Variants in HIPK1 observed in about 807,000 individuals in gnomAD.
HIPK1 encodes the protein homeodomain interacting protein kinase 1, also known as homeodomain-interacting protein kinase 1.
In HIPK1, 28 loss-of-function variants were observed where a neutral mutation model predicts 117.1. The ratio of observed to expected loss-of-function variants is 0.24; its 90% CI spans 0.18 to 0.33. The LOEUF is 0.33. HIPK1 is among the 10% of genes least tolerant of loss of function. The pLI is 1.00. For synonymous variants in HIPK1, 605 were observed against 562.5 expected (o/e 1.08, Z -1.07); for missense variants, 1,122 against 1,475.1 (o/e 0.76, Z 3.92).
intron 9 of HIPK1, among the ~76,000 whole-genome samples, chr1:113,962,713 CG>C (rs1309540680): frequency 1.3e-5 from 2 of 151,930 alleles, no homozygotes; most frequent in Admixed American, 6.6e-5. Context: ...CGGGGTGAAG[CG>C]TTTTTTTTTG....
chr1:113,966,386 G>A, intron 11 of HIPK1, 114 bp downstream of exon 11: 2 of 975,878 alleles, frequency 2.0e-6, no homozygotes, highest in South Asian at 2.1e-5. Context: ...TGACACTGTT[G>A]GAATCCTTTA....
chr1:113,971,647 G>A (rs755117453), intron 14 of HIPK1, among the ~76,000 whole-genome samples, 177 bp from the exon 15 acceptor site: 54 of 152,168 alleles, frequency 3.5e-4, no homozygotes, highest in Non-Finnish European at 6.6e-4. Context: ...CCTATGTGGA[G>A]ATTTGTGCCA....
intron 1 of HIPK1, chr1:113,929,814 G>A: frequency 3.0e-6 from 3 of 984,390 alleles, no homozygotes; most frequent in Non-Finnish European, 3.6e-6. Flanking sequence ...CGGGGGGCGG[G>A]GGCCGGGGCC....
chr1:113,951,016 T>A (rs918481754), intron 2 of HIPK1: 4 of 161,018 alleles, frequency 2.5e-5, no homozygotes, highest in African/African-American at 9.6e-5. Context: ...TCTTCTTAAT[T>A]TCAGAGGTGC....
chr1:113,961,377 A>G (rs1197030857), intron 8 of HIPK1, among the ~76,000 whole-genome samples: 2 of 152,238 alleles, frequency 1.3e-5, no homozygotes, highest in African/African-American at 4.8e-5. Flanking sequence ...GCAAGTTTCT[A>G]TAAACCAGAA....
At chr1:113,965,991 C>G (rs1672418611) in intron 10 of HIPK1, 139 bp from the exon 11 acceptor site, 3 of 789,050 alleles carry the variant, frequency 3.8e-6, no homozygotes, top group Non-Finnish European at 5.9e-6. Flanking sequence ...CCCCTCTGAC[C>G]TTTCTTTTTT....
intron 10 of HIPK1, among the ~76,000 whole-genome samples, chr1:113,965,254 A>G (rs962741589): frequency 2.0e-5 from 3 of 152,210 alleles, no homozygotes; most frequent in Non-Finnish European, 2.9e-5. Context: ...GCAGAATTCA[A>G]GTTTAAAAAG....
intron 8 of HIPK1, among the ~76,000 whole-genome samples, chr1:113,960,007 C>G (rs1671992341): frequency 6.6e-6 from 1 of 152,184 alleles, no homozygotes; most frequent in South Asian, 2.1e-4. Flanking sequence ...GATTTGAACC[C>G]AGGCAGGGGA....
At chr1:113,950,323 C>G (rs1052954668) in intron 2 of HIPK1, among the ~76,000 whole-genome samples, 1 of 152,146 alleles carries the variant, frequency 6.6e-6, no homozygotes, top group Non-Finnish European at 1.5e-5. Context: ...TGGTTCTTCA[C>G]GGAAAGATCT....
At position 113,949,053 on chromosome 1, in the gene HIPK1, G is replaced by T. The variant is rs144246596; in HGVS notation, c.1077-3713G>T. On this transcript the variant is annotated intron_variant, in intron 2 of 15. Transcript: ENST00000426820. ...GGGTTTCATCATGTTGGCCAGGCTG[G>T]ACTTGAACTCCTGACCTCAGGCCAT... Among the ~76,000 whole-genome samples the T allele has an allele frequency of 4.0e-3, 604 of 152,198 alleles. 4 individuals carry two copies. The highest frequency in any genetic ancestry group is 0.014 in the African/African-American group (575 of 41,516).
chr1:113,971,662 A>G (rs1433424337), intron 14 of HIPK1, among the ~76,000 whole-genome samples, 162 bp from the exon 15 acceptor site: 1 of 152,262 alleles, frequency 6.6e-6, no homozygotes, highest in Non-Finnish European at 1.5e-5. Context: ...GTGCCAAGAC[A>G]GAAAAGAAAT....
rs1669679349 is a variant in HIPK1 at position 113,929,437 on chromosome 1, C to G, written c.-98C>G. The stretch of plus-strand genomic sequence containing the variant: ...CCCGCACTCGATCCACGCTGGCTCC[C>G]TACGGAGGCCCACCTACTCGAGGCC... On this transcript the variant is annotated 5_prime_UTR_variant, in exon 1 of 16. Coordinates refer to ENST00000426820, the MANE Select transcript of HIPK1 (RefSeq NM_198268.3). 7.8e-7 allele frequency: 1 copy of G among 1,289,302 alleles called. No individual in the cohort carries two copies. Among genetic ancestry groups the G allele is most frequent in the Non-Finnish European group, 1.0e-6 (1 of 988,872 alleles). The allele number at this position is 1,289,302 out of a possible 1,614,324, so 79.9% of individuals were successfully genotyped here.
rs907529428 is a variant in HIPK1 at position 113,975,551 on chromosome 1, C to T, written c.*2039C>T. On this transcript the variant is annotated 3_prime_UTR_variant, in exon 16 of 16. Transcript: ENST00000426820. ...TCCTTTTCCCATGTGGCAGTCCTTC[C>T]TGCACATAGTTGACATTCCTAGTAA... The T allele has an allele frequency of 6.6e-6, 1 of 152,588 alleles. No homozygotes were observed. Among genetic ancestry groups the T allele is most frequent in the Non-Finnish European group, 1.5e-5 (1 of 67,998 alleles). The allele number at this position is 152,588 out of a possible 1,614,324, so 9.5% of individuals were successfully genotyped here.
intron 1 of HIPK1, among the ~76,000 whole-genome samples, chr1:113,932,427 G>T (rs1176721201): frequency 1.3e-5 from 2 of 150,590 alleles, no homozygotes; most frequent in African/African-American, 2.5e-5. Context: ...GCCCAGGTCG[G>T]AGTGCCGTGG....
chr1:113,932,723 T>C (rs1571637124), intron 1 of HIPK1, among the ~76,000 whole-genome samples: 3 of 152,172 alleles, frequency 2.0e-5, no homozygotes, highest in African/African-American at 7.2e-5. Context: ...TTTTAGAATC[T>C]TTAAGGTCCC....
chr1:113,966,114 G>C lies in HIPK1; in HGVS notation c.2239-16G>C. The C allele has an allele frequency of 6.2e-7, 1 of 1,607,772 alleles. No individual in the cohort carries two copies. Among genetic ancestry groups the C allele is most frequent in the Non-Finnish European group, 8.5e-7 (1 of 1,177,900 alleles). On this transcript the variant is annotated splice_polypyrimidine_tract_variant and intron_variant, in intron 10 of 15. Coordinates refer to ENST00000426820, the MANE Select transcript of HIPK1 (RefSeq NM_198268.3). ...TGAATCAAGTCTGGATGTTTTTTATGTGTGTTTCCTTACAGCAGGCGTGGC... is the reference window on the plus strand; with the variant it reads ...TGAATCAAGTCTGGATGTTTTTTATCTGTGTTTCCTTACAGCAGGCGTGGC...
chr1:113,933,726 G>C (rs750120010), intron 1 of HIPK1, among the ~76,000 whole-genome samples: 4 of 152,098 alleles, frequency 2.6e-5, no homozygotes, highest in Non-Finnish European at 4.4e-5. Context: ...AATTAGCTGG[G>C]CGTGGTGGCA....
In HIPK1 at chr1:113,938,929, T is replaced by TACACACACACACACACAC. The variant is rs55979020; in HGVS notation, c.-2-1436_-2-1419dup. 5.3e-3 allele frequency among the ~76,000 whole-genome samples: 614 copies of TACACACACACACACACAC among 115,456 alleles called. 1 individual carries two copies. The highest frequency in any genetic ancestry group is 7.3e-3 in the Non-Finnish European group (433 of 59,390). 75.7% of individuals were successfully genotyped at this position (115,456 alleles called of 152,430 possible). A position where few individuals can be genotyped will look rare whatever the true frequency, so the allele number is the denominator to read the frequency against. On this transcript the variant is annotated intron_variant, in intron 1 of 15. Transcript: ENST00000426820. ...TGTCTCAAAAAAAAAAAAAAAAAAA[T>TACACACACACACACACAC]ACACACACACACACACACACACACA...
chr1:113,958,204 G>A lies in HIPK1; in HGVS notation c.1894G>A (p.Val632Ile). The change falls in exon 8 of 16, where the codon GTT becomes ATT. Residue 632 changes from valine (V) to isoleucine (I), a missense_variant. Physicochemically the swap from Val to Ile is conservative, Grantham distance 29. Around this residue, in one of 6 missense-constraint regions of HIPK1, gnomAD observed 731 missense variants for 860.4 expected, o/e 0.85. Transcript: ENST00000426820. ...AGTTCCTGGAGTTGCCCAGCAGGGT[G>A]TTTCCTTGCAGCCTGGAACCACCCA... ...APVPGVAQQG[V>I]SLQPGTTQIC... The A allele has an allele frequency of 1.9e-6, 3 of 1,614,166 alleles. No individual in the cohort carries two copies. Among genetic ancestry groups the A allele is most frequent in the Non-Finnish European group, 2.5e-6 (3 of 1,180,024 alleles).
Sources: gnomAD v4.1 joint callset for allele counts (sites outside exome capture counted in the v4.1 genomes callset) on GRCh38, gnomAD v4.1.1 for gene constraint, gnomAD v4.1.1 regional missense constraint, MANE v1.5 for transcripts, NCBI Gene and HGNC (gene_info 2026-07-23, HGNC 2026-07-21) for gene names.